Variants in CHLSN observed in about 807,000 individuals in gnomAD.
CHLSN encodes protein cholesin.
At chr7:1,016,839 ACGCCAG>A in the CHLSN span, among the ~76,000 whole-genome samples, 16 of 125,612 alleles carry the variant, frequency 1.3e-4, 3 homozygotes, top group Non-Finnish European at 2.3e-4. Context: ...ACAGCAGCGC[ACGCCAG>A]CACACAGCAG....
At chr7:1,112,547 A>G in the CHLSN span, among the ~76,000 whole-genome samples, 2 of 152,212 alleles carry the variant, frequency 1.3e-5, no homozygotes, top group East Asian at 1.9e-4. Context: ...TGAAGCCAGG[A>G]AAGTCCCACG....
the CHLSN span, among the ~76,000 whole-genome samples, chr7:1,095,775 C>T: frequency 3.9e-5 from 6 of 152,230 alleles, no homozygotes; most frequent in Admixed American, 1.3e-4. Context: ...CCACGCTCTC[C>T]TGGCTCAAAG....
the CHLSN span, chr7:989,098 C>T: frequency 1.1e-5 from 5 of 437,514 alleles, no homozygotes; most frequent in African/African-American, 2.0e-5. Flanking sequence ...CTCTCCCACC[C>T]CTGAAGCTGC....
At chr7:983,369 A>T in the CHLSN span, 1 of 1,525,682 alleles carries the variant, frequency 6.6e-7, no homozygotes, top group African/African-American at 1.4e-5. Flanking sequence ...TCGCAACAGG[A>T]CCGGTCCCTG....
chr7:1,002,976 T>C, the CHLSN span, among the ~76,000 whole-genome samples: 5 of 62,800 alleles, frequency 8.0e-5, no homozygotes, highest in East Asian at 5.7e-4. Context: ...TGGAGTCCTG[T>C]GGGTGAGTGG....
the CHLSN span, among the ~76,000 whole-genome samples, chr7:1,042,423 C>T: frequency 5.6e-4 from 85 of 152,324 alleles, no homozygotes; most frequent in African/African-American, 2.0e-3. Context: ...CCCTTCCCCC[C>T]ACCAACTGAG....
At chr7:1,096,698 A>C in the CHLSN span, among the ~76,000 whole-genome samples, 3 of 151,902 alleles carry the variant, frequency 2.0e-5, no homozygotes, top group African/African-American at 4.8e-5. This position sits in a 1 kb window ranked among gnomAD's most constrained non-coding sequence, Gnocchi z 4.6. Flanking sequence ...CATGGGAAAA[A>C]CCCCCGTGTT....
the CHLSN span, among the ~76,000 whole-genome samples, chr7:1,069,313 A>G: frequency 0.022 from 3,304 of 152,198 alleles, 123 homozygotes; most frequent in African/African-American, 0.076. Context: ...CCTGGGCGAC[A>G]GAGCGAAACT....
the CHLSN span, among the ~76,000 whole-genome samples, chr7:1,078,749 CT>C: frequency 6.6e-6 from 1 of 152,266 alleles, no homozygotes; most frequent in Non-Finnish European, 1.5e-5. Flanking sequence ...ATGTGCCCAC[CT>C]GCCCACTGGG....
chr7:1,070,940 TGCACACACACACA>T, the CHLSN span, among the ~76,000 whole-genome samples: 1 of 125,936 alleles, frequency 7.9e-6, no homozygotes, highest in Non-Finnish European at 1.8e-5. Flanking sequence ...CACGCACACA[TGCACACACACACA>T]GCACAGACAC....
the CHLSN span, among the ~76,000 whole-genome samples, chr7:1,038,490 A>G: frequency 1.4e-4 from 14 of 97,792 alleles, no homozygotes; most frequent in Admixed American, 1.8e-4. Context: ...TGGGGGGGTA[A>G]GCCCCCCGCC....
At chr7:1,072,130 C>T in the CHLSN span, among the ~76,000 whole-genome samples, 10 of 152,162 alleles carry the variant, frequency 6.6e-5, no homozygotes, top group East Asian at 1.2e-3. Flanking sequence ...GATGGCCTTC[C>T]GATACCCAGA....
the CHLSN span, among the ~76,000 whole-genome samples, chr7:1,007,310 C>T: frequency 5.9e-5 from 9 of 152,246 alleles, no homozygotes; most frequent in Admixed American, 5.9e-4. Flanking sequence ...AGTCCCAGTC[C>T]AGGGCCTCTG....
At chr7:997,801 G>A in the CHLSN span, 1 of 1,603,632 alleles carries the variant, frequency 6.2e-7, no homozygotes, top group South Asian at 1.1e-5. Flanking sequence ...TGCTCATCGG[G>A]AACCTGGACG....
At chr7:1,136,215 T>C in the CHLSN span, among the ~76,000 whole-genome samples, 1 of 115,422 alleles carries the variant, frequency 8.7e-6, no homozygotes, top group African/African-American at 3.6e-5. Flanking sequence ...TATAAATATA[T>C]ATAAACATAT....
chr7:1,084,803 C>T, the CHLSN span, among the ~76,000 whole-genome samples: 1 of 152,254 alleles, frequency 6.6e-6, no homozygotes, highest in Admixed American at 6.5e-5. Context: ...GGGCTGGAGC[C>T]GGCAACGCTG....
the CHLSN span, chr7:1,091,784 C>T: frequency 1.1e-5 from 18 of 1,581,494 alleles, no homozygotes; most frequent in African/African-American, 2.7e-5. Flanking sequence ...CCAGGCACCG[C>T]GCAGCCTGCG....
chr7:1,042,124 C>G, the CHLSN span, among the ~76,000 whole-genome samples: 1 of 152,066 alleles, frequency 6.6e-6, no homozygotes, highest in South Asian at 2.1e-4. Flanking sequence ...GCTGCAGAAT[C>G]AGGTGCACAA....
chr7:1,018,473 T>C, the CHLSN span, among the ~76,000 whole-genome samples: 18 of 149,456 alleles, frequency 1.2e-4, no homozygotes, highest in East Asian at 3.4e-3. Context: ...GACGAGGGAG[T>C]CGTGATGGGC....
Sources: gnomAD v4.1 joint callset for allele counts (sites outside exome capture counted in the v4.1 genomes callset) on GRCh38, gnomAD v4.1.1 for gene constraint, Gnocchi (gnomAD v3.1) non-coding constraint, MANE v1.5 for transcripts, NCBI Gene and HGNC (gene_info 2026-07-23, HGNC 2026-07-21) for gene names.